Variants in HEG1 observed in about 807,000 individuals in gnomAD.
The protein encoded by HEG1 is protein HEG homolog 1.
A neutral mutation model predicts 125.6 loss-of-function variants in HEG1; 56 were observed. The observed-to-expected ratio is 0.45, with a 90% CI of 0.36 to 0.56. The LOEUF (loss-of-function observed/expected upper bound fraction) is 0.56, where lower values mean the gene tolerates loss of function less well. Ranked by LOEUF, HEG1 falls within the 20% of genes least tolerant of loss-of-function variation. The pLI is 0.00. For missense variants in HEG1, 1,523 were observed against 1,670.0 expected, an observed-to-expected ratio of 0.91 and a Z score of 1.53; for synonymous variants, 644 against 668.5, an observed-to-expected ratio of 0.96 and a Z score of 0.57.
At chr3:125,023,285 C>T (rs1467786483) in intron 3 of HEG1, among the ~76,000 whole-genome samples, 1 of 152,104 alleles carries the variant, frequency 6.6e-6, no homozygotes, top group Non-Finnish European at 1.5e-5. Flanking sequence ...AAAACCCAGG[C>T]CTGTCCATCT....
intron 14 of HEG1, among the ~76,000 whole-genome samples, chr3:124,987,554 G>A (rs1579400906): frequency 7.3e-6 from 1 of 136,802 alleles, no homozygotes; most frequent in Admixed American, 8.0e-5. Context: ...ACGGAGTCTC[G>A]CTGTGTCGCC....
intron 15 of HEG1, 102 bp from the exon 16 acceptor site, chr3:124,974,007 C>G (rs1044231982): frequency 5.1e-6 from 4 of 778,352 alleles, no homozygotes; most frequent in Non-Finnish European, 8.1e-6. Flanking sequence ...TGAAAGCTAC[C>G]ATTATATTTA....
intron 9 of HEG1, among the ~76,000 whole-genome samples, chr3:125,002,791 C>G (rs997594613): frequency 6.6e-6 from 1 of 152,130 alleles, no homozygotes; most frequent in Non-Finnish European, 1.5e-5. Flanking sequence ...AAAGGCTCTC[C>G]GTGAGAAATT....
chr3:124,978,022 C>A lies in HEG1; in HGVS notation c.3734-76G>T, dbSNP rs538510877. ...TGAGTGAGTTCTCAAGAATGGTCTCCCCTGACTCTACAGTCACCACCCTGC... is the reference window on the plus strand; with the variant it reads ...TGAGTGAGTTCTCAAGAATGGTCTCACCTGACTCTACAGTCACCACCCTGC... On this transcript the variant is annotated intron_variant, in intron 14 of 16. Coordinates refer to ENST00000311127, the MANE Select transcript of HEG1 (RefSeq NM_020733.2). 5 of 1,109,640 alleles carry A rather than the reference C, an allele frequency of 4.5e-6. No individual in the cohort carries two copies. The African/African-American group carries it at 7.7e-5, about 17-fold the overall frequency. 68.7% of individuals were successfully genotyped at this position (1,109,640 alleles called of 1,614,324 possible). A position where few individuals can be genotyped will look rare whatever the true frequency, so the allele number is the denominator to read the frequency against.
intron 8 of HEG1, among the ~76,000 whole-genome samples, chr3:125,008,819 CACAAAAA>C (rs1937110058): frequency 6.5e-5 from 1 of 15,376 alleles, no homozygotes; most frequent in Admixed American, 8.1e-4. Context: ...AAACAAAAAA[CACAAAAA>C]CAAAAAACTC....
intron 1 of HEG1, among the ~76,000 whole-genome samples, chr3:125,053,637 G>A (rs146885538): frequency 2.0e-4 from 31 of 152,236 alleles, no homozygotes; most frequent in Admixed American, 1.3e-3. Flanking sequence ...CTACTCTCTC[G>A]CTGCTTTCTG....
At position 124,993,871 on chromosome 3, in the gene HEG1, G is replaced by C. The variant is rs1469083094; in HGVS notation, c.3653-2885C>G. On this transcript the variant is annotated intron_variant, in intron 12 of 16. Transcript: ENST00000311127. ...TGTATCAGAAGTGACCTGGCTCCCT[G>C]ATGTCATGATATTTCTCTATTTCAA... Among the ~76,000 whole-genome samples, 6 of 152,210 alleles carry C rather than the reference G, an allele frequency of 3.9e-5. No individual in the cohort carries two copies. In the East Asian group the frequency reaches 9.7e-4, roughly 25 times the overall value.
At chr3:125,038,919 G>A (rs191948004) in intron 1 of HEG1, among the ~76,000 whole-genome samples, 2,017 of 152,284 alleles carry the variant, frequency 0.013, 33 homozygotes, top group African/African-American at 0.046. Context: ...GTGGGAGGGG[G>A]CACCCTGGAG....
At chr3:124,988,447 T>C (rs1936778498) in intron 14 of HEG1, among the ~76,000 whole-genome samples, 1 of 152,200 alleles carries the variant, frequency 6.6e-6, no homozygotes, top group Non-Finnish European at 1.5e-5. Flanking sequence ...TAAAATATGA[T>C]AACTTCCTTG....
In HEG1 at chr3:124,997,685, C is replaced by T. The variant is rs1037546803; in HGVS notation, c.3652+4G>A. On this transcript the variant is annotated splice_donor_region_variant and intron_variant, in intron 12 of 16. Transcript: ENST00000311127. ...CACAGAACCCCAGGCGAAGCTGTGG[C>T]TACCTCGGCAGGAGTGGTCCATCTT... 10 of 1,564,562 alleles carry T rather than the reference C, an allele frequency of 6.4e-6. No homozygotes were observed. Among genetic ancestry groups the T allele is most frequent in the Non-Finnish European group, 8.7e-6 (10 of 1,149,318 alleles).
intron 1 of HEG1, among the ~76,000 whole-genome samples, chr3:125,045,996 C>A (rs900329127): frequency 1.3e-5 from 2 of 152,172 alleles, no homozygotes; most frequent in Non-Finnish European, 2.9e-5. Flanking sequence ...TGCTCCTCCT[C>A]AAAAACCTTG....
chr3:125,002,794 G>C (rs955238981), intron 9 of HEG1, among the ~76,000 whole-genome samples: 1 of 152,204 alleles, frequency 6.6e-6, no homozygotes, highest in Non-Finnish European at 1.5e-5. Context: ...GGCTCTCCGT[G>C]AGAAATTACA....
At position 125,055,684 on chromosome 3, in the gene HEG1, G is replaced by A; in HGVS notation, c.207C>T (p.Pro69=). The change falls in exon 1 of 17, where the codon CCC becomes CCT. Residue 69 remains proline, a synonymous_variant. Transcript: ENST00000311127. ...GGGTCGCGGGCCCGCGGCGCTCCCG[G>A]GGCGGCGTGGGCGGCGGCTCGCGCT... ...RPEREPPPTP[P]RERRGPATPG... 1 of 1,116,122 alleles carries A rather than the reference G, an allele frequency of 9.0e-7. No homozygotes were observed. Among genetic ancestry groups the A allele is most frequent in the East Asian group, 4.9e-5 (1 of 20,326 alleles). 69.1% of individuals were successfully genotyped at this position (1,116,122 alleles called of 1,614,324 possible).
chr3:125,009,185 G>C (rs1937114740), intron 8 of HEG1, among the ~76,000 whole-genome samples: 1 of 152,196 alleles, frequency 6.6e-6, no homozygotes, highest in Admixed American at 6.5e-5. Flanking sequence ...AAATGTATCT[G>C]CCTATGAGCA....
At chr3:124,983,241 A>G (rs1936683060) in intron 14 of HEG1, among the ~76,000 whole-genome samples, 1 of 152,246 alleles carries the variant, frequency 6.6e-6, no homozygotes, top group African/African-American at 2.4e-5. Flanking sequence ...TTTTCTAGGT[A>G]GCCACATTAG....
At chr3:125,046,273 C>T (rs1253873648) in intron 1 of HEG1, among the ~76,000 whole-genome samples, 6 of 152,020 alleles carry the variant, frequency 3.9e-5, no homozygotes, top group Non-Finnish European at 7.4e-5. Flanking sequence ...GAGTATGGTC[C>T]TCTTCAAAGA....
At chr3:124,999,693 A>G (rs911342110) in intron 11 of HEG1, among the ~76,000 whole-genome samples, 4 of 152,246 alleles carry the variant, frequency 2.6e-5, no homozygotes, top group Non-Finnish European at 5.9e-5. Flanking sequence ...AGAATATTCT[A>G]CCATAAATTC....
Position 124,997,714 on chromosome 3 carries a change from G to C in HEG1, c.3627C>G (p.Phe1209Leu). Reference sequence around the variant, plus strand: ...CTCGGCAGGAGTGGTCCATCTTGTTGAACTGAAAGTATCCCGACTTGCACT... The same window carrying C: ...CTCGGCAGGAGTGGTCCATCTTGTTCAACTGAAAGTATCCCGACTTGCACT... Reference protein sequence around the residue: ...LCQCKSGYFQFNKMDHSCRAC... With the variant: ...LCQCKSGYFQLNKMDHSCRAC... Residue 1209 changes from phenylalanine (F) to leucine (L), a missense_variant, in exon 12 of 17, where the codon TTC (phenylalanine) becomes TTG (leucine). Physicochemically the swap from Phe to Leu is conservative, Grantham distance 22. Coordinates refer to ENST00000311127, the MANE Select transcript of HEG1 (RefSeq NM_020733.2). The C allele has an allele frequency of 6.3e-7, 1 of 1,590,978 alleles. No individual in the cohort carries two copies. Among genetic ancestry groups the C allele is most frequent in the East Asian group, 2.3e-5 (1 of 44,150 alleles).
intron 5 of HEG1, among the ~76,000 whole-genome samples, chr3:125,015,341 C>T (rs1424160814): frequency 6.6e-6 from 1 of 152,142 alleles, no homozygotes; most frequent in African/African-American, 2.4e-5. Flanking sequence ...AGGAGGTAAA[C>T]AGTTGGTGAA....
Sources: gnomAD v4.1 joint callset for allele counts (sites outside exome capture counted in the v4.1 genomes callset) on GRCh38, gnomAD v4.1.1 for gene constraint, MANE v1.5 for transcripts, NCBI Gene and HGNC (gene_info 2026-07-23, HGNC 2026-07-21) for gene names.